The following EPS15L1 variants were observed in gnomAD, a reference collection of about 807,000 sequenced individuals.
EPS15L1 encodes the protein epidermal growth factor receptor pathway substrate 15 like 1, also known as epidermal growth factor receptor substrate 15-like 1.
A neutral mutation model predicts 117.1 loss-of-function variants in EPS15L1; 43 were observed. The observed-to-expected ratio is 0.37, with a 90% CI of 0.29 to 0.47. The LOEUF (loss-of-function observed/expected upper bound fraction) is 0.47, where lower values mean the gene tolerates loss of function less well. EPS15L1 is among the 20% of genes least tolerant of loss of function. The pLI, the probability that EPS15L1 is intolerant of heterozygous loss-of-function variation, is 0.99. For synonymous variants in EPS15L1, 459 were observed against 470.5 expected, an observed-to-expected ratio of 0.98 and a Z score of 0.32; for missense variants, 981 against 1,164.0, an observed-to-expected ratio of 0.84 and a Z score of 2.29.
intron 15 of EPS15L1, among the ~76,000 whole-genome samples, chr19:16,402,865 G>T (rs548303515): frequency 1.3e-5 from 2 of 152,308 alleles, no homozygotes; most frequent in South Asian, 4.1e-4. Flanking sequence ...GATGACAGGT[G>T]TAAGGCACTG....
At chr19:16,424,269 C>T (rs1473008821) in intron 9 of EPS15L1, among the ~76,000 whole-genome samples, 2 of 152,144 alleles carry the variant, frequency 1.3e-5, no homozygotes, top group African/African-American at 4.8e-5. Context: ...CAGAAATGCT[C>T]GTTTTCATGA....
chr19:16,413,510 C>T lies in EPS15L1; in HGVS notation c.1266+263G>A, dbSNP rs2092727388. 4 of 720,186 alleles carry T rather than the reference C, an allele frequency of 5.6e-6. No individual in the cohort carries two copies. In the African/African-American group the frequency reaches 7.1e-5, roughly 13 times the overall value. The allele number at this position is 720,186 out of a possible 1,614,324, so 44.6% of individuals were successfully genotyped here. ...CTCCCTATCAGGAGTTCACTGACCA[C>T]CTTGTCAAGACCTACACCAGAGTCT... On this transcript the variant is annotated intron_variant, in intron 13 of 23. Coordinates refer to ENST00000455140, the MANE Select transcript of EPS15L1 (RefSeq NM_001258374.3).
At chr19:16,430,462 G>C (rs945874279) in intron 7 of EPS15L1, among the ~76,000 whole-genome samples, 1 of 152,206 alleles carries the variant, frequency 6.6e-6, no homozygotes, top group Admixed American at 6.5e-5. Context: ...TTCGCCATCT[G>C]AAAAATGGGT....
chr19:16,437,168 A>C, intron 5 of EPS15L1, 169 bp from the exon 6 acceptor site: 1 of 597,298 alleles, frequency 1.7e-6, no homozygotes, highest in South Asian at 2.1e-5. Context: ...CTACGTATTG[A>C]CCCAAATGAA....
chr19:16,456,601 T>C (rs1599681037), intron 1 of EPS15L1, among the ~76,000 whole-genome samples: 1 of 151,114 alleles, frequency 6.6e-6, no homozygotes, highest in Non-Finnish European at 1.5e-5. Context: ...GAGGTTGCAG[T>C]GAGCCAAGAT....
intron 22 of EPS15L1, among the ~76,000 whole-genome samples, chr19:16,364,776 G>T (rs1237299755): frequency 6.6e-6 from 1 of 152,160 alleles, no homozygotes; most frequent in Non-Finnish European, 1.5e-5. Flanking sequence ...GCTCCCTAGG[G>T]CTCCTGAGCA....
rs756964819 is a variant in EPS15L1 at position 16,377,251 on chromosome 19, G to A, written c.2251C>T (p.Pro751Ser). The A allele has an allele frequency of 1.9e-6, 3 of 1,610,320 alleles. No individual in the cohort carries two copies. Among genetic ancestry groups the A allele is most frequent in the East Asian group, 4.5e-5 (2 of 44,842 alleles). Residue 751 changes from proline to serine, a missense_variant, in exon 22 of 24, where the codon CCA becomes TCA. Transcript: ENST00000455140. ...FADFSQMSKP[P>S]PSGPFTSSLG... ...GAGGAGGTGAAAGGGCCAGAAGGTG[G>A]GGGCTGTAAGAGAGGACATGAAAGA...
chr19:16,432,441 G>A (rs1486238442), intron 7 of EPS15L1, among the ~76,000 whole-genome samples: 1 of 152,180 alleles, frequency 6.6e-6, no homozygotes, highest in African/African-American at 2.4e-5. Flanking sequence ...GGTGGCGGGC[G>A]CCTGTAGTCC....
At chr19:16,421,666 G>A (rs1160340651) in intron 9 of EPS15L1, among the ~76,000 whole-genome samples, 190 bp from the exon 10 acceptor site, 1 of 152,166 alleles carries the variant, frequency 6.6e-6, no homozygotes, top group African/African-American at 2.4e-5. Context: ...GAGACAGGTT[G>A]AGGCTGGCTC....
At chr19:16,422,207 A>G (rs1394370136) in intron 9 of EPS15L1, among the ~76,000 whole-genome samples, 1 of 152,160 alleles carries the variant, frequency 6.6e-6, no homozygotes, top group South Asian at 2.1e-4. Context: ...ACCAGCTCAC[A>G]GTTAACTTGA....
chr19:16,408,181 C>T (rs2144862165), intron 13 of EPS15L1, among the ~76,000 whole-genome samples: 1 of 152,266 alleles, frequency 6.6e-6, no homozygotes, highest in East Asian at 1.9e-4. Context: ...CAGAAAGTCC[C>T]AGAGGGACAA....
chr19:16,394,175 CAA>C (rs1375449766), intron 17 of EPS15L1, among the ~76,000 whole-genome samples, 174 bp from the exon 18 acceptor site: 1 of 152,134 alleles, frequency 6.6e-6, no homozygotes, highest in Non-Finnish European at 1.5e-5. Context: ...CTTGGCAAAT[CAA>C]AGAGGGGGAC....
At chr19:16,380,953 C>T (rs763223336) in intron 21 of EPS15L1, among the ~76,000 whole-genome samples, 2 of 152,230 alleles carry the variant, frequency 1.3e-5, no homozygotes, top group African/African-American at 4.8e-5. Flanking sequence ...CGAGGTTGCT[C>T]GGCCCAGTCA....
At chr19:16,426,845 C>A (rs763784411) in intron 8 of EPS15L1, among the ~76,000 whole-genome samples, 6 of 152,142 alleles carry the variant, frequency 3.9e-5, no homozygotes, top group Non-Finnish European at 8.8e-5. Flanking sequence ...TAATAATAGA[C>A]ACGCTCATAC....
In EPS15L1 at chr19:16,361,812, C is replaced by G; in HGVS notation, c.2553G>C (p.Lys851Asn). ...AGTCTGCAAAGCCCGAGGCAGAGGCCTTAGAAGGTTTAGCTGCAGAGGAGG... is the reference window on the plus strand; with the variant it reads ...AGTCTGCAAAGCCCGAGGCAGAGGCGTTAGAAGGTTTAGCTGCAGAGGAGG... ...FVPSSAAKPS[K>N]ASASGFADFT... is the part of the protein sequence containing the mutation. The change falls in exon 23 of 24, where the codon AAG becomes AAC. Residue 851 changes from lysine to asparagine, a missense_variant. Physicochemically the swap from Lys to Asn is moderately conservative, Grantham distance 94. Coordinates refer to ENST00000455140, the MANE Select transcript of EPS15L1 (RefSeq NM_001258374.3). 1 of 1,613,922 alleles carries G rather than the reference C, an allele frequency of 6.2e-7. No individual in the cohort carries two copies.
At chr19:16,402,155 T>G in intron 16 of EPS15L1, 166 bp downstream of exon 16, 1 of 1,396,742 alleles carries the variant, frequency 7.2e-7, no homozygotes, top group South Asian at 1.7e-5. Context: ...TGTGCCAGGC[T>G]GCAAGGCCTG....
chr19:16,469,305 G>A (rs565425310), intron 1 of EPS15L1, among the ~76,000 whole-genome samples: 1 of 152,276 alleles, frequency 6.6e-6, no homozygotes, highest in African/African-American at 2.4e-5. Context: ...AAGGAGAGAG[G>A]ATGAAGAGTG....
rs1178046807 is a variant in EPS15L1 at position 16,437,640 on chromosome 19, A to G, written c.309+130T>C. 2.5e-5 allele frequency: 17 copies of G among 681,072 alleles called. No homozygotes were observed. In the East Asian group the frequency reaches 4.4e-4, roughly 18 times the overall value. The allele number at this position is 681,072 out of a possible 1,614,324, so 42.2% of individuals were successfully genotyped here. On this transcript the variant is annotated intron_variant, in intron 5 of 23. Transcript: ENST00000455140. Reference sequence around the variant, plus strand: ...AAAATTATTAATTTTCTATTATGTGAATTTCACCACAATAAAAGGGGAAGG... The same window carrying G: ...AAAATTATTAATTTTCTATTATGTGGATTTCACCACAATAAAAGGGGAAGG...
intron 9 of EPS15L1, among the ~76,000 whole-genome samples, chr19:16,421,955 C>A (rs565579430): frequency 1.1e-4 from 16 of 152,338 alleles, no homozygotes; most frequent in Non-Finnish European, 1.2e-4. Context: ...CTGAAGACCA[C>A]CCTTCTATGT....
Sources: gnomAD v4.1 joint callset for allele counts (sites outside exome capture counted in the v4.1 genomes callset) on GRCh38, gnomAD v4.1.1 for gene constraint, MANE v1.5 for transcripts, NCBI Gene and HGNC (gene_info 2026-07-23, HGNC 2026-07-21) for gene names.